Variants in MYOF observed in about 807,000 individuals in gnomAD.
MYOF encodes the protein fer-1-like 3, myoferlin.
MYOF carries 244 observed loss-of-function variants against 284.2 expected under a neutral mutation model. That is an observed-to-expected ratio of 0.86 (90% CI 0.77 to 0.95). The LOEUF is 0.95. Among genes scored for constraint, MYOF ranks in the 40% least tolerant of loss-of-function variants. The pLI, the probability that MYOF is intolerant of heterozygous loss-of-function variation, is 0.00. For synonymous variants in MYOF, 904 were observed against 919.7 expected (o/e 0.98, Z 0.31); for missense variants, 2,496 against 2,560.6 (o/e 0.97, Z 0.54).
chr10:93,353,318 C>A (rs1296853008), intron 32 of MYOF, among the ~76,000 whole-genome samples: 1 of 152,104 alleles, frequency 6.6e-6, no homozygotes, highest in African/African-American at 2.4e-5. Flanking sequence ...GAAAAAGCCT[C>A]ATGGTTTTAT....
intron 41 of MYOF, among the ~76,000 whole-genome samples, chr10:93,334,586 T>C (rs373039259): frequency 1.1e-4 from 16 of 152,148 alleles, no homozygotes; most frequent in African/African-American, 3.4e-4. Context: ...ACTAGGCATA[T>C]AGTAACGCCA....
At chr10:93,354,702 T>TCTCTCTCTCTC (rs1491377561) in intron 31 of MYOF, among the ~76,000 whole-genome samples, 36 of 149,822 alleles carry the variant, frequency 2.4e-4, no homozygotes, top group South Asian at 4.2e-4. Context: ...TCTCTCTCTC[T>TCTCTCTCTCTC]TTGTGAGATA....
intron 46 of MYOF, 56 bp from the exon 47 acceptor site, chr10:93,323,414 C>A (rs763411173): frequency 3.1e-5 from 45 of 1,430,488 alleles, no homozygotes; most frequent in Non-Finnish European, 3.9e-5. Context: ...TAGCAGAAGT[C>A]ACAATTTTCT....
intron 30 of MYOF, among the ~76,000 whole-genome samples, chr10:93,356,052 G>A (rs964687724): frequency 1.3e-5 from 2 of 152,110 alleles, no homozygotes; most frequent in African/African-American, 4.8e-5. Context: ...TAAAAGGATG[G>A]GATAAGGAAG....
intron 29 of MYOF, among the ~76,000 whole-genome samples, chr10:93,357,523 G>A: frequency 6.6e-6 from 1 of 152,300 alleles, no homozygotes; most frequent in South Asian, 2.1e-4. Flanking sequence ...TTGCTTTCAT[G>A]CAGCTGACAT....
At chr10:93,465,804 C>T (rs533345908) in intron 1 of MYOF, among the ~76,000 whole-genome samples, 2 of 152,300 alleles carry the variant, frequency 1.3e-5, no homozygotes, top group Admixed American at 6.5e-5. Context: ...CGTGAGCCAC[C>T]GCACACAGCT....
At chr10:93,397,194 A>C in intron 15 of MYOF, 53 bp downstream of exon 15, 2 of 1,404,652 alleles carry the variant, frequency 1.4e-6, no homozygotes, top group African/African-American at 2.9e-5. Context: ...ATGTTTCACA[A>C]TATCCAATGT....
chr10:93,337,041 A>G (rs1843648731), intron 40 of MYOF, among the ~76,000 whole-genome samples: 1 of 152,000 alleles, frequency 6.6e-6, no homozygotes, highest in South Asian at 2.1e-4. Context: ...CTTCAGCCTC[A>G]TTGGATCATT....
In MYOF at chr10:93,374,909, C is replaced by G. The variant is rs776968617; in HGVS notation, c.2155G>C (p.Asp719His). The G allele has an allele frequency of 6.2e-7, 1 of 1,614,058 alleles. No individual in the cohort carries two copies. The highest frequency in any genetic ancestry group is 1.7e-5 in the Admixed American group (1 of 59,992). ...GACCGCAGCTTTCGGATCTGAGTAT[C>G]GAGAACTGTGACGTTGGCTTTTCCT... The part of the protein sequence containing the change: ...TEGKANVTVL[D>H]TQIRKLRSRS... Residue 719 changes from aspartate to histidine, a missense_variant, in exon 23 of 54, where the codon GAT becomes CAT. Around this residue, in one of 3 missense-constraint regions of MYOF, gnomAD observed 2,436 missense variants for 2,480.7 expected, o/e 0.98. Coordinates refer to ENST00000359263, the MANE Select transcript of MYOF (RefSeq NM_013451.4).
intron 20 of MYOF, among the ~76,000 whole-genome samples, chr10:93,380,625 G>A (rs1391173295): frequency 6.6e-6 from 1 of 152,112 alleles, no homozygotes; most frequent in Non-Finnish European, 1.5e-5. Context: ...CTCATACTTT[G>A]CTTTCTATTA....
chr10:93,337,814 C>T lies in MYOF; in HGVS notation c.4437+1G>A. ...ACCCATAGCAGCATAGATCCAGGTA[C>T]CTTGAGCTTGGAATAGCCTTTCTGA... On this transcript the variant is annotated splice_donor_variant, in intron 40 of 53. Coordinates refer to ENST00000359263, the MANE Select transcript of MYOF (RefSeq NM_013451.4). LOFTEE classifies it high-confidence loss of function. The T allele has an allele frequency of 1.2e-6, 2 of 1,613,062 alleles. No homozygotes were observed. The highest frequency in any genetic ancestry group is 1.7e-6 in the Non-Finnish European group (2 of 1,179,132).
At chr10:93,430,548 C>T (rs61865259) in intron 4 of MYOF, among the ~76,000 whole-genome samples, 27,219 of 149,350 alleles carry the variant, frequency 0.18, 2,809 homozygotes, top group Middle Eastern at 0.27. Context: ...TGCCACTGCC[C>T]TCCAGCCTGG....
Position 93,347,703 on chromosome 10 carries a change from A to G in MYOF, c.4163T>C (p.Val1388Ala), listed in dbSNP as rs760699823. 4 of 1,614,186 alleles carry G rather than the reference A, an allele frequency of 2.5e-6. No homozygotes were observed. The South Asian group carries it at 4.4e-5, about 18-fold the overall frequency. The change falls in exon 37 of 54, where the codon GTC (valine) becomes GCC (alanine). Residue 1388 changes from valine (V) to alanine (A), a missense_variant. Around this residue, in one of 3 missense-constraint regions of MYOF, gnomAD observed 2,436 missense variants for 2,480.7 expected, o/e 0.98. Coordinates refer to ENST00000359263, the MANE Select transcript of MYOF (RefSeq NM_013451.4). ...GCGCTCGATGGTGCACTGGCCGACGACAGGCTTCCGCCCAAACTGCCTGTG... is the reference window on the plus strand; with the variant it reads ...GCGCTCGATGGTGCACTGGCCGACGGCAGGCTTCCGCCCAAACTGCCTGTG... ...IDHRQFGRKPVVGQCTIERLD... is the reference protein window; with the variant it reads ...IDHRQFGRKPAVGQCTIERLD...
At chr10:93,476,553 C>T (rs185979686) in intron 1 of MYOF, among the ~76,000 whole-genome samples, 83 of 151,566 alleles carry the variant, frequency 5.5e-4, no homozygotes, top group Admixed American at 9.9e-4. Context: ...TGTTAATGTC[C>T]CCCACTGAAA....
intron 3 of MYOF, among the ~76,000 whole-genome samples, chr10:93,449,834 C>G (rs936416945): frequency 6.6e-6 from 1 of 152,046 alleles, no homozygotes; most frequent in African/African-American, 2.4e-5. Context: ...CAGGGGGCAT[C>G]GGTCAGCAAC....
intron 27 of MYOF, among the ~76,000 whole-genome samples, chr10:93,363,347 G>A (rs1845167138): frequency 6.6e-6 from 1 of 152,150 alleles, no homozygotes; most frequent in Non-Finnish European, 1.5e-5. Context: ...ATTTTTTAAA[G>A]ACAGAAACAT....
At chr10:93,367,825 G>A (rs1220797184) in intron 25 of MYOF, among the ~76,000 whole-genome samples, 1 of 151,602 alleles carries the variant, frequency 6.6e-6, no homozygotes, top group East Asian at 1.9e-4. Flanking sequence ...GGGGTGGGGG[G>A]GAATTTTGTA....
chr10:93,364,153 G>A (rs1175606025), intron 26 of MYOF, 78 bp from the exon 27 acceptor site: 2 of 1,196,952 alleles, frequency 1.7e-6, no homozygotes, highest in Admixed American at 1.8e-5. Flanking sequence ...CACTCAGGAA[G>A]CATCTACACC....
intron 7 of MYOF, among the ~76,000 whole-genome samples, 163 bp from the exon 8 acceptor site, chr10:93,404,382 A>C (rs1285179432): frequency 2.0e-5 from 3 of 152,250 alleles, no homozygotes; most frequent in Admixed American, 2.0e-4. Flanking sequence ...TAAGCCCTGC[A>C]GTTTAAGCTT....
Sources: allele counts gnomAD v4.1 joint callset (sites outside exome capture counted in the v4.1 genomes callset), GRCh38; gene constraint gnomAD v4.1.1; regional missense constraint gnomAD v4.1.1; transcripts MANE v1.5; gene names NCBI Gene and HGNC (gene_info 2026-07-23, HGNC 2026-07-21).